CDH22: variants seen among roughly 807,000 people sequenced by gnomAD.
CDH22 encodes cadherin-22.
A neutral mutation model predicts 58.4 loss-of-function variants in CDH22; 30 were observed. The observed-to-expected ratio is 0.51, with a 90% CI of 0.38 to 0.70. The LOEUF (loss-of-function observed/expected upper bound fraction) is 0.70. Among genes scored for constraint, CDH22 ranks in the 30% least tolerant of loss-of-function variants. The pLI is 0.00. For missense variants in CDH22, 1,014 were observed against 1,233.9 expected, an observed-to-expected ratio of 0.82 and a Z score of 2.67; for synonymous variants, 513 against 558.2, an observed-to-expected ratio of 0.92 and a Z score of 1.14.
chr20:46,250,775 C>G (rs548567273), intron 2 of CDH22, among the ~76,000 whole-genome samples: 1 of 152,300 alleles, frequency 6.6e-6, no homozygotes, highest in East Asian at 1.9e-4. Flanking sequence ...GTTCCTAAAT[C>G]CCACATGCAT....
At chr20:46,204,560 G>T (rs1277867394) in intron 7 of CDH22, among the ~76,000 whole-genome samples, 3 of 152,234 alleles carry the variant, frequency 2.0e-5, no homozygotes, top group Admixed American at 1.3e-4. Flanking sequence ...TTTGTATCAT[G>T]AGCTCTTCGA....
intron 1 of CDH22, among the ~76,000 whole-genome samples, chr20:46,287,154 T>C (rs2086580252): frequency 6.6e-6 from 1 of 152,154 alleles, no homozygotes; most frequent in South Asian, 2.1e-4. Context: ...TGTGTAACCT[T>C]GCATGAATAA....
rs147916286 is a variant in CDH22, at chr20:46,208,888, C to T, written c.1286+1419G>A. On this transcript the variant is annotated intron_variant, in intron 7 of 11. Coordinates refer to ENST00000537909, the MANE Select transcript of CDH22 (RefSeq NM_021248.3). ...GATTACAGGCATGAGCCACCACACCCGGCCTCTATTTTTACATATCATTAA... is the reference window on the plus strand; with the variant it reads ...GATTACAGGCATGAGCCACCACACCTGGCCTCTATTTTTACATATCATTAA... 4.1e-3 allele frequency among the ~76,000 whole-genome samples: 626 copies of T among 152,338 alleles called. 1 individual carries two copies. The highest frequency in any genetic ancestry group is 7.4e-3 in the Non-Finnish European group (504 of 68,030).
At chr20:46,228,757 C>T (rs1326004316) in intron 3 of CDH22, among the ~76,000 whole-genome samples, 3 of 152,128 alleles carry the variant, frequency 2.0e-5, no homozygotes, top group Non-Finnish European at 4.4e-5. Flanking sequence ...TGGGGCCAGG[C>T]AGGCCCCTCC....
chr20:46,273,089 C>T (rs1228148166), intron 1 of CDH22, among the ~76,000 whole-genome samples: 2 of 152,104 alleles, frequency 1.3e-5, no homozygotes, highest in African/African-American at 4.8e-5. Context: ...AGGGTGAATC[C>T]TTTGGAGTTC....
chr20:46,174,884 GC>G lies in CDH22; in HGVS notation c.2108del (p.Gly703AlafsTer201). The G allele has an allele frequency of 2.0e-6, 2 of 983,562 alleles. No individual in the cohort carries two copies. Among genetic ancestry groups the G allele is most frequent in the Non-Finnish European group, 2.6e-6 (2 of 770,858 alleles). 60.9% of individuals were successfully genotyped at this position (983,562 alleles called of 1,614,324 possible). A position where few individuals can be genotyped will look rare whatever the true frequency, so the allele number is the denominator to read the frequency against. On this transcript the variant is annotated frameshift_variant, in exon 12 of 12. Coordinates refer to ENST00000537909, the MANE Select transcript of CDH22 (RefSeq NM_021248.3). LOFTEE classifies it low-confidence loss of function (END_TRUNC). This position sits in a 1 kb window ranked among gnomAD's most constrained non-coding sequence, Gnocchi z 4.4. ...DFGELKGGDG[G>X]GSAGGGAGGG... ...CGCCCGCTCCCCCGCCCGCGCTGCCGCCCCCGTCGCCGCCCTTGAGCTCGCC... is the reference window on the plus strand; with the variant it reads ...CGCCCGCTCCCCCGCCCGCGCTGCCGCCCCGTCGCCGCCCTTGAGCTCGCC...
Position 46,281,839 on chromosome 20 carries a change from AT to A in CDH22, c.-400+26415del, listed in dbSNP as rs144398392. Among the ~76,000 whole-genome samples, 777 of 152,396 alleles carry A rather than the reference AT, an allele frequency of 5.1e-3. 2 individuals are homozygous for A. The highest frequency in any genetic ancestry group is 0.018 in the African/African-American group (746 of 41,596). ...ATGAGAAAGGAGTTTACAGTTCATCATAAAAATCACAGCTCCTGGCTTTTGA... is the reference window on the plus strand; with the variant it reads ...ATGAGAAAGGAGTTTACAGTTCATCAAAAAATCACAGCTCCTGGCTTTTGA... On this transcript the variant is annotated intron_variant, in intron 1 of 11. Coordinates refer to ENST00000537909, the MANE Select transcript of CDH22 (RefSeq NM_021248.3).
chr20:46,222,208 AC>A (rs1468629002), intron 4 of CDH22, among the ~76,000 whole-genome samples: 31 of 152,102 alleles, frequency 2.0e-4, no homozygotes, highest in Admixed American at 1.4e-3. Flanking sequence ...TGGATTGAGT[AC>A]CTCCATAAAC....
chr20:46,232,823 C>T (rs1419198885), intron 3 of CDH22, among the ~76,000 whole-genome samples: 1 of 152,168 alleles, frequency 6.6e-6, no homozygotes, highest in Non-Finnish European at 1.5e-5. Flanking sequence ...GGGCTGGCCT[C>T]GACCCTGCTT....
At chr20:46,294,477 T>A (rs1381511420) in intron 1 of CDH22, among the ~76,000 whole-genome samples, 1 of 152,154 alleles carries the variant, frequency 6.6e-6, no homozygotes, top group Non-Finnish European at 1.5e-5. Context: ...GGAAGATCTG[T>A]CCTAGCTGGG....
intron 1 of CDH22, among the ~76,000 whole-genome samples, chr20:46,296,106 C>T (rs932789133): frequency 2.6e-5 from 4 of 152,110 alleles, no homozygotes; most frequent in African/African-American, 2.4e-5. Flanking sequence ...AGGTGCTTGT[C>T]CTGAAACTCC....
chr20:46,196,505 C>T (rs1025127742), intron 8 of CDH22, among the ~76,000 whole-genome samples: 1 of 152,196 alleles, frequency 6.6e-6, no homozygotes. Context: ...AACTCTTGAA[C>T]TCAAGTGATC....
rs1448876686 is a variant in CDH22, at chr20:46,241,594, C to T, written c.256-337G>A. 1.3e-5 allele frequency among the ~76,000 whole-genome samples: 2 copies of T among 152,214 alleles called. No homozygotes were observed. Among genetic ancestry groups the T allele is most frequent in the Non-Finnish European group, 2.9e-5 (2 of 68,040 alleles). ...ACAAAGAAGTCCAGCACCACCTCCA[C>T]ACCTCTCTCCCCTTTAGCACGCACA... On this transcript the variant is annotated intron_variant, in intron 2 of 11. Coordinates refer to ENST00000537909, the MANE Select transcript of CDH22 (RefSeq NM_021248.3). The surrounding 1 kb of genome is among the most constrained non-coding windows in gnomAD (Gnocchi z 5.2).
At position 46,181,747 on chromosome 20, in the gene CDH22, C is replaced by CTTT. The variant is rs879473835; in HGVS notation, c.1664-3551_1664-3550insAAA. 6.5e-3 allele frequency among the ~76,000 whole-genome samples: 637 copies of CTTT among 98,184 alleles called. 7 individuals carry two copies. The highest frequency in any genetic ancestry group is 0.028 in the East Asian group (99 of 3,544). 64.4% of individuals were successfully genotyped at this position (98,184 alleles called of 152,430 possible). On this transcript the variant is annotated intron_variant, in intron 10 of 11. Coordinates refer to ENST00000537909, the MANE Select transcript of CDH22 (RefSeq NM_021248.3). ...TCCTTCCTTCCTTCCTTCCTTCCTT[C>CTTT]CTTCCTTCTTTCTTTCTTTCTTTCT...
Position 46,199,327 on chromosome 20 carries a change from C to T in CDH22, c.1423+96G>A, listed in dbSNP as rs933346578. ...CCCCCGTGGGCTTTGACTGACAGGG[C>T]TGCCTTGGCCCTGCCCCCAGCCCTT... is the stretch of plus-strand genomic sequence containing the variant. On this transcript the variant is annotated intron_variant, in intron 8 of 11. Transcript: ENST00000537909. The T allele has an allele frequency of 8.9e-5, 127 of 1,425,828 alleles. No homozygotes were observed. In the African/African-American group the frequency reaches 1.6e-3, roughly 17 times the overall value. The allele number at this position is 1,425,828 out of a possible 1,614,324, so 88.3% of individuals were successfully genotyped here. A position where few individuals can be genotyped will look rare whatever the true frequency, so the allele number is the denominator to read the frequency against.
intron 10 of CDH22, 54 bp downstream of exon 10, chr20:46,186,534 A>G: frequency 8.0e-7 from 1 of 1,254,640 alleles, no homozygotes; most frequent in African/African-American, 1.5e-5. Context: ...ATATGGGAAC[A>G]GGGCAGGGAG....
intron 3 of CDH22, among the ~76,000 whole-genome samples, chr20:46,240,051 G>A (rs1476533241): frequency 6.6e-6 from 1 of 152,136 alleles, no homozygotes; most frequent in East Asian, 1.9e-4. Context: ...CCAGGTAAGT[G>A]CAACTGAATC....
chr20:46,264,855 A>G (rs549939749), intron 1 of CDH22, among the ~76,000 whole-genome samples: 31 of 148,230 alleles, frequency 2.1e-4, no homozygotes, highest in Middle Eastern at 3.4e-3. Context: ...CACACCGTGC[A>G]CACACACACA....
At chr20:46,246,792 C>T (rs535345638) in intron 2 of CDH22, among the ~76,000 whole-genome samples, 6 of 152,172 alleles carry the variant, frequency 3.9e-5, no homozygotes, top group South Asian at 2.1e-4. Context: ...CTTTAGAATT[C>T]GACAAGGACG....
Sources: allele counts gnomAD v4.1 joint callset (sites outside exome capture counted in the v4.1 genomes callset), GRCh38; gene constraint gnomAD v4.1.1; non-coding constraint Gnocchi (gnomAD v3.1); transcripts MANE v1.5; gene names NCBI Gene and HGNC (gene_info 2026-07-23, HGNC 2026-07-21).